The following CPAMD8 variants were observed in gnomAD, a reference collection of about 807,000 sequenced individuals.
The protein encoded by CPAMD8 is C3 and PZP-like alpha-2-macroglobulin domain-containing protein 8.
In CPAMD8, 146 loss-of-function variants were observed where a neutral mutation model predicts 224.7. The ratio of observed to expected loss-of-function variants is 0.65; its 90% confidence interval spans 0.57 to 0.75. CPAMD8 has a LOEUF of 0.75. CPAMD8 is among the 30% of genes least tolerant of loss of function. CPAMD8 has a pLI of 0.00. For synonymous variants in CPAMD8, 966 were observed against 1,044.6 expected (o/e 0.92, Z 1.45); for missense variants, 2,301 against 2,537.5 (o/e 0.91, Z 2.00).
Position 16,903,834 on chromosome 19 carries a change from G to A in CPAMD8, c.4275C>T (p.Ala1425=), listed in dbSNP as rs1197618182. The change falls in exon 33 of 42, where the codon GCC becomes GCT. Residue 1425 remains alanine (A), a synonymous_variant. Coordinates refer to ENST00000443236, the MANE Select transcript of CPAMD8 (RefSeq NM_015692.5). ...AGGACAAGATGGCATATTCAGCCAA[G>A]GCCTGCAGAGCCACGCAGGTGTCCT... ...STQDTCVALQ[A]LAEYAILSYA... The A allele has an allele frequency of 2.5e-6, 4 of 1,613,906 alleles. No individual in the cohort carries two copies. Among genetic ancestry groups the A allele is most frequent in the Non-Finnish European group, 3.4e-6 (4 of 1,180,028 alleles).
intron 3 of CPAMD8, among the ~76,000 whole-genome samples, chr19:17,012,564 G>T (rs2056690519): frequency 6.6e-6 from 1 of 151,806 alleles, no homozygotes; most frequent in Non-Finnish European, 1.5e-5. Context: ...GCCCAGGCTG[G>T]TCTCAAACTC....
intron 27 of CPAMD8, among the ~76,000 whole-genome samples, chr19:16,918,053 T>C (rs1289347075): frequency 2.6e-5 from 4 of 152,172 alleles, no homozygotes. Flanking sequence ...TGGAGTGCAG[T>C]GGCACAATCT....
chr19:17,018,811 G>C (rs1156860097), intron 3 of CPAMD8, among the ~76,000 whole-genome samples: 2 of 151,398 alleles, frequency 1.3e-5, no homozygotes, highest in African/African-American at 2.4e-5. Context: ...TGGGAGGCTG[G>C]GGCACGAGAA....
chr19:16,958,785 AT>A (rs1002516290), intron 18 of CPAMD8, among the ~76,000 whole-genome samples: 9 of 148,750 alleles, frequency 6.1e-5, no homozygotes, highest in African/African-American at 2.2e-4. Context: ...AACATCTGTT[AT>A]TTTTTTACTT....
At chr19:16,986,281 G>T (rs146003099) in intron 13 of CPAMD8, among the ~76,000 whole-genome samples, 1 of 152,036 alleles carries the variant, frequency 6.6e-6, no homozygotes, top group Non-Finnish European at 1.5e-5. Context: ...GGTTGTGCCC[G>T]GGCCCCTCAT....
intron 32 of CPAMD8, 38 bp downstream of exon 32, chr19:16,904,188 C>CCCCCCCCCA: frequency 7.3e-7 from 1 of 1,370,616 alleles, no homozygotes; most frequent in Non-Finnish European, 1.0e-6. Flanking sequence ...CCCACCCACC[C>CCCCCCCCCA]AGCCCTGAGC....
intron 15 of CPAMD8, among the ~76,000 whole-genome samples, chr19:16,976,853 C>A (rs1363160765): frequency 3.3e-5 from 5 of 152,032 alleles, no homozygotes; most frequent in Non-Finnish European, 5.9e-5. Flanking sequence ...ACCAGCCTGG[C>A]CAACATGGTG....
chr19:16,995,706 C>A (rs1025921600), intron 11 of CPAMD8, among the ~76,000 whole-genome samples: 1 of 152,150 alleles, frequency 6.6e-6, no homozygotes, highest in East Asian at 1.9e-4. Context: ...CAGCCTACCC[C>A]AGTTTAACAG....
At chr19:16,931,381 G>A (rs924944636) in intron 23 of CPAMD8, among the ~76,000 whole-genome samples, 3 of 152,158 alleles carry the variant, frequency 2.0e-5, no homozygotes, top group African/African-American at 4.8e-5. Context: ...AACCTAATGT[G>A]TGCCACTAAC....
chr19:16,925,441 C>A lies in CPAMD8; in HGVS notation c.3371-69G>T, dbSNP rs192104686. The A allele has an allele frequency of 3.9e-4, 500 of 1,287,802 alleles. 2 individuals carry two copies. In the African/African-American group the frequency reaches 6.7e-3, roughly 17 times the overall value. 79.8% of individuals were successfully genotyped at this position (1,287,802 alleles called of 1,614,324 possible). On this transcript the variant is annotated intron_variant, in intron 25 of 41. Coordinates refer to ENST00000443236, the MANE Select transcript of CPAMD8 (RefSeq NM_015692.5). ...TCAGTAGAGAACAGGGACAGCTTTA[C>A]CCAGGGATGGGAGACAGTGAGTGTC...
At chr19:16,989,263 C>A (rs925399720) in intron 13 of CPAMD8, among the ~76,000 whole-genome samples, 6 of 152,136 alleles carry the variant, frequency 3.9e-5, no homozygotes, top group African/African-American at 1.4e-4. Flanking sequence ...GCCAAAAAGG[C>A]TGGCTACTGC....
chr19:17,004,196 G>T, intron 8 of CPAMD8, 77 bp downstream of exon 8: 2 of 995,338 alleles, frequency 2.0e-6, no homozygotes, highest in Non-Finnish European at 3.1e-6. Context: ...GAGAGCCCTT[G>T]CACCCGGCCT....
At chr19:16,917,684 T>A (rs993400554) in intron 27 of CPAMD8, among the ~76,000 whole-genome samples, 10 of 152,322 alleles carry the variant, frequency 6.6e-5, no homozygotes, top group African/African-American at 2.4e-4. Flanking sequence ...AAGGCTGCTG[T>A]GAGCCCTGAT....
At chr19:16,967,890 C>CGTGTGTATAT (rs1568539968) in intron 18 of CPAMD8, among the ~76,000 whole-genome samples, 683 of 60,930 alleles carry the variant, frequency 0.011, 16 homozygotes, top group African/African-American at 0.023. Flanking sequence ...TATACACACA[C>CGTGTGTATAT]ATGTGTGTGT....
chr19:16,934,910 A>C (rs1205414418), intron 23 of CPAMD8, among the ~76,000 whole-genome samples: 1 of 152,066 alleles, frequency 6.6e-6, no homozygotes, highest in Non-Finnish European at 1.5e-5. Context: ...CACCCATTTC[A>C]AGAACTCTTT....
chr19:16,909,940 C>T (rs1343615847), intron 29 of CPAMD8, among the ~76,000 whole-genome samples: 2 of 151,930 alleles, frequency 1.3e-5, no homozygotes, highest in Non-Finnish European at 2.9e-5. Flanking sequence ...CAACCTCCAC[C>T]TTCCAGGTTC....
chr19:16,961,514 G>A (rs2054656635), intron 18 of CPAMD8, among the ~76,000 whole-genome samples: 1 of 152,262 alleles, frequency 6.6e-6, no homozygotes, highest in African/African-American at 2.4e-5. Context: ...TGGCTGGGAA[G>A]CTTAAACTGG....
chr19:17,018,986 G>C (rs1393551338), intron 3 of CPAMD8, among the ~76,000 whole-genome samples: 1 of 151,532 alleles, frequency 6.6e-6, no homozygotes, highest in Non-Finnish European at 1.5e-5. Context: ...TGATATTTAA[G>C]AGGGGTGCAA....
chr19:17,010,799 T>A (rs2056624193), intron 5 of CPAMD8, among the ~76,000 whole-genome samples: 1 of 151,908 alleles, frequency 6.6e-6, no homozygotes, highest in Non-Finnish European at 1.5e-5. Context: ...GAGGCGGGTG[T>A]ATCACCTGAG....
Sources: gnomAD v4.1 joint callset for allele counts (sites outside exome capture counted in the v4.1 genomes callset) on GRCh38, gnomAD v4.1.1 for gene constraint, MANE v1.5 for transcripts, NCBI Gene and HGNC (gene_info 2026-07-23, HGNC 2026-07-21) for gene names.